Variants in SLC12A6 observed in about 807,000 individuals in gnomAD.
SLC12A6 encodes the protein K-Cl cotransporter 3.
SLC12A6 carries 66 observed loss-of-function variants against 135.3 expected under a neutral mutation model. The ratio of observed to expected loss-of-function variants is 0.49; its 90% CI spans 0.40 to 0.60. The LOEUF (loss-of-function observed/expected upper bound fraction) is 0.60. Among genes scored for constraint, SLC12A6 ranks in the 20% least tolerant of loss-of-function variants. SLC12A6 has a pLI of 0.00. For missense variants in SLC12A6, 1,058 were observed against 1,452.3 expected, an observed-to-expected ratio of 0.73 and a Z score of 4.41; for synonymous variants, 513 against 508.8, an observed-to-expected ratio of 1.01 and a Z score of -0.11.
At chr15:34,243,847 G>A in intron 16 of SLC12A6, 127 bp downstream of exon 16, 1 of 723,898 alleles carries the variant, frequency 1.4e-6, no homozygotes, top group East Asian at 2.5e-5. Context: ...AGAATTGAAA[G>A]TTGAAACAGT....
At position 34,336,613 on chromosome 15, in the gene SLC12A6, T is replaced by C; in HGVS notation, c.68A>G (p.Asp23Gly). The C allele has an allele frequency of 6.2e-7, 1 of 1,613,520 alleles. No homozygotes were observed. Among genetic ancestry groups the C allele is most frequent in the Non-Finnish European group, 8.5e-7 (1 of 1,179,472 alleles). The change falls in exon 2 of 26, where the codon GAT becomes GGT. Residue 23 changes from aspartate to glycine, a missense_variant. By Grantham distance (94) the Asp-to-Gly change is moderately conservative. This residue lies in a region of SLC12A6 where 176 missense variants were observed against 168.9 expected (regional missense o/e 1.04). Transcript: ENST00000354181. Reference protein sequence around the residue: ...VRFMVTPTKIDDIPGLSDTSP... With the variant: ...VRFMVTPTKIGDIPGLSDTSP... ...GGTGTCTGACAAACCTGGAATGTCATCGATCTTTGTCGGTGTCACCATGAA... is the reference window on the plus strand; with the variant it reads ...GGTGTCTGACAAACCTGGAATGTCACCGATCTTTGTCGGTGTCACCATGAA...
chr15:34,326,793 G>A (rs1387394697), intron 2 of SLC12A6, among the ~76,000 whole-genome samples: 1 of 141,040 alleles, frequency 7.1e-6, no homozygotes, highest in Non-Finnish European at 1.5e-5. Flanking sequence ...TCGGACTCAA[G>A]CAATCCTTCC....
chr15:34,300,540 T>C (rs908401424), intron 2 of SLC12A6, among the ~76,000 whole-genome samples: 1 of 152,084 alleles, frequency 6.6e-6, no homozygotes, highest in Non-Finnish European at 1.5e-5. Flanking sequence ...CTCATGTCTG[T>C]AATCCCAGCA....
Position 34,262,387 on chromosome 15 carries a change from T to C in SLC12A6, c.317-1367A>G, listed in dbSNP as rs867425668. 2.6e-5 allele frequency among the ~76,000 whole-genome samples: 4 copies of C among 152,058 alleles called. No individual in the cohort carries two copies. The South Asian group carries it at 6.2e-4, about 24-fold the overall frequency. On this transcript the variant is annotated intron_variant, in intron 3 of 25. Transcript: ENST00000354181. ...CCTCTCCACTGAGAATTGTTTCTCA[T>C]CATTCAATAAAATTATTCTCCGCCC...
At chr15:34,307,175 G>A (rs187265591) in intron 2 of SLC12A6, among the ~76,000 whole-genome samples, 146 of 152,100 alleles carry the variant, frequency 9.6e-4, no homozygotes, top group African/African-American at 3.3e-3. Context: ...ACTGCACCTC[G>A]ATAAAAAAAT....
At chr15:34,286,072 C>CTT (rs57903086) in intron 2 of SLC12A6, among the ~76,000 whole-genome samples, 2 of 148,260 alleles carry the variant, frequency 1.3e-5, no homozygotes, top group African/African-American at 4.9e-5. Context: ...GGTTTTATTG[C>CTT]TTTTTTTTTT....
chr15:34,294,134 G>A (rs1895722893), intron 2 of SLC12A6, among the ~76,000 whole-genome samples: 1 of 152,194 alleles, frequency 6.6e-6, no homozygotes. Flanking sequence ...TTGGTTTAAA[G>A]ATACTTATGA....
At position 34,239,123 on chromosome 15, in the gene SLC12A6, C is replaced by T. The variant is rs1453299321; in HGVS notation, c.2474G>A (p.Gly825Glu). ...KHLMEAEKVK[G>E]FCQLVVAAKL... ...GGCGGCCACCACCAGCTGGCAGAATCCTTTTACCTTCTCTGCCTCCATTAG... is the reference window on the plus strand; with the variant it reads ...GGCGGCCACCACCAGCTGGCAGAATTCTTTTACCTTCTCTGCCTCCATTAG... The change falls in exon 20 of 26, where the codon GGA becomes GAA. Residue 825 changes from glycine (G) to glutamate (E), a missense_variant. By Grantham distance (98) the Gly-to-Glu change is moderately conservative (BLOSUM62 -2). Around this residue, in one of 6 missense-constraint regions of SLC12A6, gnomAD observed 245 missense variants for 440.8 expected, o/e 0.56. Coordinates refer to ENST00000354181, the MANE Select transcript of SLC12A6 (RefSeq NM_001365088.1). 6.2e-7 allele frequency: 1 copy of T among 1,614,044 alleles called. No individual in the cohort carries two copies. The highest frequency in any genetic ancestry group is 1.1e-5 in the South Asian group (1 of 91,076).
rs938069113 is a variant in SLC12A6, at chr15:34,242,363, CAAT to C, written c.2043-145_2043-143del. 3 of 643,578 alleles carry C rather than the reference CAAT, an allele frequency of 4.7e-6. No individual in the cohort carries two copies. In the African/African-American group the frequency reaches 5.5e-5, roughly 12 times the overall value. 39.9% of individuals were successfully genotyped at this position (643,578 alleles called of 1,614,324 possible). A position where few individuals can be genotyped will look rare whatever the true frequency, so the allele number is the denominator to read the frequency against. ...TTATAAATAGAACTTTTGTAAAATG[CAAT>C]AAAAATGAATTATTCGAAAAATTAT... On this transcript the variant is annotated intron_variant, in intron 16 of 25. Transcript: ENST00000354181.
chr15:34,254,667 C>T, intron 8 of SLC12A6, 78 bp from the exon 9 acceptor site: 1 of 1,152,804 alleles, frequency 8.7e-7, no homozygotes, highest in Non-Finnish European at 1.3e-6. Flanking sequence ...TTTGCATTTA[C>T]TTTCACAAAA....
chr15:34,324,614 TA>T (rs397760871), intron 2 of SLC12A6, among the ~76,000 whole-genome samples: 15 of 151,608 alleles, frequency 9.9e-5, no homozygotes, highest in African/African-American at 2.2e-4. Context: ...ACCCATTTAT[TA>T]AAAAAAAATT....
At chr15:34,263,264 A>T (rs542018259) in intron 3 of SLC12A6, among the ~76,000 whole-genome samples, 8 of 152,142 alleles carry the variant, frequency 5.3e-5, no homozygotes, top group South Asian at 4.1e-4. Context: ...AAAAAAAATT[A>T]AAAAATTAGC....
At chr15:34,280,889 T>C (rs1894630358) in intron 2 of SLC12A6, among the ~76,000 whole-genome samples, 1 of 152,108 alleles carries the variant, frequency 6.6e-6, no homozygotes, top group African/African-American at 2.4e-5. Flanking sequence ...GCAACGTAGA[T>C]GGAACTGAAG....
chr15:34,258,764 T>C (rs758798788), intron 5 of SLC12A6, 49 bp downstream of exon 5: 2 of 1,517,790 alleles, frequency 1.3e-6, no homozygotes, highest in Non-Finnish European at 9.2e-7. Context: ...TCCTTCTTTC[T>C]TATATACAGG....
Position 34,233,454 on chromosome 15 carries a change from T to C in SLC12A6, c.*427A>G, listed in dbSNP as rs2140625119. 1 of 181,008 alleles carries C rather than the reference T, an allele frequency of 5.5e-6. No individual in the cohort carries two copies. The highest frequency in any genetic ancestry group is 1.3e-4 in the East Asian group (1 of 7,826). 11.2% of individuals were successfully genotyped at this position (181,008 alleles called of 1,614,324 possible). A position where few individuals can be genotyped will look rare whatever the true frequency, so the allele number is the denominator to read the frequency against. On this transcript the variant is annotated 3_prime_UTR_variant, in exon 26 of 26. Coordinates refer to ENST00000354181, the MANE Select transcript of SLC12A6 (RefSeq NM_001365088.1). ...CTTGACCATAAATTCTTTAGTAAGA[T>C]GAAGCTGTCTCTAGTTGTTATCCTC...
chr15:34,316,505 A>G (rs1171531545), intron 2 of SLC12A6, among the ~76,000 whole-genome samples: 2 of 152,248 alleles, frequency 1.3e-5, no homozygotes, highest in African/African-American at 2.4e-5. Flanking sequence ...ATATACTACC[A>G]GCAGTTGTTC....
chr15:34,293,004 C>T (rs1423551058), intron 2 of SLC12A6, among the ~76,000 whole-genome samples: 1 of 152,178 alleles, frequency 6.6e-6, no homozygotes, highest in African/African-American at 2.4e-5. Context: ...CTTTGGCTCA[C>T]CCTCCGTGGG....
At chr15:34,268,856 TTTCTTTC>T (rs1893705330) in intron 3 of SLC12A6, among the ~76,000 whole-genome samples, 1 of 145,776 alleles carries the variant, frequency 6.9e-6, no homozygotes, top group Admixed American at 6.8e-5. Context: ...TCTTTTTTTC[TTTCTTTC>T]TTTTTTTTTT....
rs752427635 is a variant in SLC12A6, at chr15:34,254,508, C to T, written c.958G>A (p.Val320Ile). 6.2e-5 allele frequency: 100 copies of T among 1,613,060 alleles called. No homozygotes were observed. The highest frequency in any genetic ancestry group is 7.8e-5 in the Non-Finnish European group (92 of 1,179,122). ...ESAAMLNNMR[V>I]YGTAFLVLMV... ...AGGACCAAGAAAGCTGTGCCGTAGACACGCATGTTATTTAGCATGGCTGCT... is the reference window on the plus strand; with the variant it reads ...AGGACCAAGAAAGCTGTGCCGTAGATACGCATGTTATTTAGCATGGCTGCT... Residue 320 changes from valine (V) to isoleucine (I), a missense_variant, in exon 9 of 26, where the codon GTC becomes ATC. This residue lies in a region of SLC12A6 where 297 missense variants were observed against 318.5 expected (regional missense o/e 0.93). Transcript: ENST00000354181.
Sources: gnomAD v4.1 joint callset for allele counts (sites outside exome capture counted in the v4.1 genomes callset) on GRCh38, gnomAD v4.1.1 for gene constraint, gnomAD v4.1.1 regional missense constraint, MANE v1.5 for transcripts, NCBI Gene and HGNC (gene_info 2026-07-23, HGNC 2026-07-21) for gene names.